The following KCNA4 variants were observed in gnomAD, a reference collection of about 807,000 sequenced individuals.
The protein encoded by KCNA4 is cardiac potassium channel.
KCNA4 carries 5 observed loss-of-function variants against 37.2 expected under a neutral mutation model. The observed-to-expected ratio is 0.13, with a 90% CI of 0.07 to 0.28. KCNA4 has a LOEUF of 0.28. Among genes scored for constraint, KCNA4 ranks in the 10% least tolerant of loss-of-function variants. KCNA4 has a pLI of 1.00. For synonymous variants in KCNA4, 350 were observed against 311.8 expected, an observed-to-expected ratio of 1.12 and a Z score of -1.29; for missense variants, 634 against 817.4, an observed-to-expected ratio of 0.78 and a Z score of 2.74.
At position 30,010,909 on chromosome 11, in the gene KCNA4, G is replaced by T. The variant is rs748511812; in HGVS notation, c.1770C>A (p.Pro590=). 13 of 1,614,072 alleles carry T rather than the reference G, an allele frequency of 8.1e-6. No individual in the cohort carries two copies. In the Admixed American group the frequency reaches 1.0e-4, roughly 12 times the overall value. The change falls in exon 2 of 2, where the codon CCC becomes CCA. Residue 590 remains proline, a synonymous_variant. Coordinates refer to ENST00000328224, the MANE Select transcript of KCNA4 (RefSeq NM_002233.4). ...TCCGAAATTTCTTGAGCAAATTAGA[G>T]GGGAGGTATGGACAACTGACTGCAT... ...TQNAVSCPYL[P]SNLLKKFRSS...
In KCNA4 at chr11:30,016,741, G is replaced by A; in HGVS notation, c.-952C>T. 8.0e-6 allele frequency: 3 copies of A among 374,620 alleles called. No homozygotes were observed. The highest frequency in any genetic ancestry group is 1.4e-5 in the Non-Finnish European group (3 of 211,466). The allele number at this position is 374,620 out of a possible 1,614,324, so 23.2% of individuals were successfully genotyped here. A position where few individuals can be genotyped will look rare whatever the true frequency, so the allele number is the denominator to read the frequency against. On this transcript the variant is annotated 5_prime_UTR_variant, in exon 1 of 2. Transcript: ENST00000328224. The stretch of plus-strand genomic sequence containing the variant: ...CAGGTGGAGGCTCCAAATATCCACG[G>A]AACAAGTTCTGTTGCCTGGCCCGAG...
At chr11:30,013,979 A>T (rs1247682888) in intron 1 of KCNA4, among the ~76,000 whole-genome samples, 1 of 152,204 alleles carries the variant, frequency 6.6e-6, no homozygotes, top group East Asian at 1.9e-4. Context: ...TGCAGACAGC[A>T]CCACTTGAAT....
chr11:30,011,274 G>A lies in KCNA4; in HGVS notation c.1405C>T (p.His469Tyr), dbSNP rs1265111172. The A allele has an allele frequency of 1.2e-6, 2 of 1,614,128 alleles. No individual in the cohort carries two copies. The highest frequency in any genetic ancestry group is 1.7e-6 in the Non-Finnish European group (2 of 1,180,028). ...TCCCGCATGCTGGCTCTGAGGGTGTGGCCCAGGATCTGCAGGCCTTTGGAG... is the reference window on the plus strand; with the variant it reads ...TCCCGCATGCTGGCTCTGAGGGTGTAGCCCAGGATCTGCAGGCCTTTGGAG... Reference protein sequence around the residue: ...RHSKGLQILGHTLRASMRELG... With the variant: ...RHSKGLQILGYTLRASMRELG... The change falls in exon 2 of 2, where the codon CAC (histidine) becomes TAC (tyrosine). Residue 469 changes from histidine (H) to tyrosine (Y), a missense_variant. Transcript: ENST00000328224. The surrounding 1 kb of genome is among the most constrained non-coding windows in gnomAD (Gnocchi z 5.6).
intron 1 of KCNA4, among the ~76,000 whole-genome samples, chr11:30,014,664 G>A (rs946189031): frequency 2.6e-5 from 4 of 151,876 alleles, no homozygotes; most frequent in African/African-American, 9.7e-5. Context: ...TCTGTCACCT[G>A]TTATTCCTGG....
intron 1 of KCNA4, among the ~76,000 whole-genome samples, chr11:30,014,864 G>A (rs536052951): frequency 6.6e-6 from 1 of 152,216 alleles, no homozygotes; most frequent in East Asian, 1.9e-4. Flanking sequence ...AGAATTCAGG[G>A]CATCTACCAG....
Position 30,011,328 on chromosome 11 carries a change from C to A in KCNA4, c.1351G>T (p.Val451Leu). 1 of 1,614,156 alleles carries A rather than the reference C, an allele frequency of 6.2e-7. No homozygotes were observed. The highest frequency in any genetic ancestry group is 8.5e-7 in the Non-Finnish European group (1 of 1,180,042). ...CTGGAGAGTTTGAAGATCCGGAATA[C>A]TCGGACCAGACGAATGATTCTGAGG... ...AILRIIRLVRVFRIFKLSRHS... is the reference protein window; with the variant it reads ...AILRIIRLVRLFRIFKLSRHS... Residue 451 changes from valine to leucine, a missense_variant, in exon 2 of 2, where the codon GTA (valine) becomes TTA (leucine). Transcript: ENST00000328224. This position sits in a 1 kb window ranked among gnomAD's most constrained non-coding sequence, Gnocchi z 5.6.
Position 30,011,917 on chromosome 11 carries a change from C to T in KCNA4, c.762G>A (p.Glu254=), listed in dbSNP as rs1850307246. The change falls in exon 2 of 2, where the codon GAG becomes GAA. Residue 254 remains glutamate, a synonymous_variant. Coordinates refer to ENST00000328224, the MANE Select transcript of KCNA4 (RefSeq NM_002233.4). The surrounding 1 kb of genome is among the most constrained non-coding windows in gnomAD (Gnocchi z 5.6). ...CCCCCAACTGATAGAACTTCACCTC[C>T]TCAGTGAAGATATCAAAGGGGACAT... The part of the protein sequence containing the change: ...PVNVPFDIFT[E]EVKFYQLGEE... 2 of 1,613,994 alleles carry T rather than the reference C, an allele frequency of 1.2e-6. No individual in the cohort carries two copies. Among genetic ancestry groups the T allele is most frequent in the Admixed American group, 1.7e-5 (1 of 60,006 alleles).
At chr11:30,015,958 T>C (rs1189935927) in intron 1 of KCNA4, among the ~76,000 whole-genome samples, 1 of 151,832 alleles carries the variant, frequency 6.6e-6, no homozygotes, top group Non-Finnish European at 1.5e-5. Context: ...CTCTCAGTGC[T>C]AATTCCTGCA....
In KCNA4 at chr11:30,011,951, C is replaced by T. The variant is rs755809318; in HGVS notation, c.728G>A (p.Arg243Lys). ...YYYQSGGRLK[R>K]PVNVPFDIFT... ...GATATCAAAGGGGACATTGACTGGC[C>T]TCTTCAGGCGGCCTCCTGATTGATA... Residue 243 changes from arginine (R) to lysine (K), a missense_variant, in exon 2 of 2, where the codon AGG (arginine) becomes AAG (lysine). Coordinates refer to ENST00000328224, the MANE Select transcript of KCNA4 (RefSeq NM_002233.4). This position sits in a 1 kb window ranked among gnomAD's most constrained non-coding sequence, Gnocchi z 5.6. 3.7e-6 allele frequency: 6 copies of T among 1,613,994 alleles called. No individual in the cohort carries two copies. The highest frequency in any genetic ancestry group is 5.1e-6 in the Non-Finnish European group (6 of 1,180,024).
rs1850301519 is a variant in KCNA4 at position 30,011,379 on chromosome 11, G to T, written c.1300C>A (p.Gln434Lys). ...AQQQGGGNGQQQQAMSFAILR... is the reference protein window; with the variant it reads ...AQQQGGGNGQKQQAMSFAILR... ...ATGGCAAAGGACATGGCCTGCTGCT[G>T]CTGACCATTGCCACCCCCCTGTTGC... The change falls in exon 2 of 2, where the codon CAG becomes AAG. Residue 434 changes from glutamine to lysine, a missense_variant. Gln to Lys is a moderately conservative substitution (Grantham distance 53). Coordinates refer to ENST00000328224, the MANE Select transcript of KCNA4 (RefSeq NM_002233.4). The surrounding 1 kb of genome is among the most constrained non-coding windows in gnomAD (Gnocchi z 5.6). 1.9e-6 allele frequency: 3 copies of T among 1,614,040 alleles called. No homozygotes were observed. In the African/African-American group the frequency reaches 4.0e-5, roughly 22 times the overall value.
Position 30,010,500 on chromosome 11 carries a change from A to G in KCNA4, c.*217T>C. ...ATTCTTGCATTCTAATAAAAATATA[A>G]AGATAGATTTGCTCCTATTCCTCCC... is the stretch of plus-strand genomic sequence containing the variant. On this transcript the variant is annotated 3_prime_UTR_variant, in exon 2 of 2. Coordinates refer to ENST00000328224, the MANE Select transcript of KCNA4 (RefSeq NM_002233.4). 1.4e-6 allele frequency: 1 copy of G among 704,128 alleles called. No individual in the cohort carries two copies. The highest frequency in any genetic ancestry group is 2.1e-6 in the Non-Finnish European group (1 of 469,346). The allele number at this position is 704,128 out of a possible 1,614,324, so 43.6% of individuals were successfully genotyped here.
chr11:30,012,520 A>G lies in KCNA4; in HGVS notation c.159T>C (p.Gly53=), dbSNP rs770568310. ...GGGAGCCCCCACCAGAACCCCCGCT[A>G]CCTTCGACAGCAGCTGTGGCCGCTG... ...AVAAATAAVE[G]SGGSGGGSHH... Residue 53 remains glycine, a synonymous_variant, in exon 2 of 2, where the codon GGT becomes GGC. Coordinates refer to ENST00000328224, the MANE Select transcript of KCNA4 (RefSeq NM_002233.4). 10 of 1,608,834 alleles carry G rather than the reference A, an allele frequency of 6.2e-6. No homozygotes were observed. The highest frequency in any genetic ancestry group is 1.3e-5 in the African/African-American group (1 of 74,810).
rs751384087 is a variant in KCNA4, at chr11:30,011,920, A to C, written c.759T>G (p.Thr253=). 1 of 1,614,066 alleles carries C rather than the reference A, an allele frequency of 6.2e-7. No homozygotes were observed. The highest frequency in any genetic ancestry group is 1.1e-5 in the South Asian group (1 of 91,076). ...CCAACTGATAGAACTTCACCTCCTC[A>C]GTGAAGATATCAAAGGGGACATTGA... ...RPVNVPFDIF[T]EEVKFYQLGE... Residue 253 remains threonine (T), a synonymous_variant, in exon 2 of 2, where the codon ACT becomes ACG. Coordinates refer to ENST00000328224, the MANE Select transcript of KCNA4 (RefSeq NM_002233.4). This position sits in a 1 kb window ranked among gnomAD's most constrained non-coding sequence, Gnocchi z 5.6.
At position 30,014,142 on chromosome 11, in the gene KCNA4, C is replaced by T. The variant is rs182907885; in HGVS notation, c.-782-682G>A. Among the ~76,000 whole-genome samples, 426 of 152,254 alleles carry T rather than the reference C, an allele frequency of 2.8e-3. 1 individual carries two copies. The highest frequency in any genetic ancestry group is 9.6e-3 in the African/African-American group (400 of 41,540). The stretch of plus-strand genomic sequence containing the variant: ...AATAAACACTGGCAGTTATGAATAA[C>T]ATAACAGCAACCTATGTTTTTATTG... On this transcript the variant is annotated intron_variant, in intron 1 of 1. Transcript: ENST00000328224.
At position 30,017,015 on chromosome 11, in the gene KCNA4, G is replaced by A. The variant is rs978383289; in HGVS notation, c.-1226C>T. ...GCGGGAGCAGCACACGCCTCCCCTG[G>A]CCGCGAACGCGCTCTGGGCGGGGGC... On this transcript the variant is annotated 5_prime_UTR_variant, in exon 1 of 2. Transcript: ENST00000328224. 8.5e-5 allele frequency: 34 copies of A among 398,026 alleles called. No homozygotes were observed. Among genetic ancestry groups the A allele is most frequent in the African/African-American group, 4.9e-4 (24 of 48,704 alleles). The allele number at this position is 398,026 out of a possible 1,614,324, so 24.7% of individuals were successfully genotyped here.
In KCNA4 at chr11:30,010,666, T is replaced by C; in HGVS notation, c.*51A>G. 1.9e-6 allele frequency: 3 copies of C among 1,549,092 alleles called. No individual in the cohort carries two copies. The highest frequency in any genetic ancestry group is 2.6e-5 in the South Asian group (2 of 77,610). Reference sequence around the variant, plus strand: ...TTTTCATAACTGCACTCTCTATGCATAAATATATTTGGAGATGCTGAGGGG... The same window carrying C: ...TTTTCATAACTGCACTCTCTATGCACAAATATATTTGGAGATGCTGAGGGG... On this transcript the variant is annotated 3_prime_UTR_variant, in exon 2 of 2. Coordinates refer to ENST00000328224, the MANE Select transcript of KCNA4 (RefSeq NM_002233.4).
chr11:30,014,660 A>G (rs1424601988), intron 1 of KCNA4, among the ~76,000 whole-genome samples: 3 of 151,494 alleles, frequency 2.0e-5, no homozygotes, highest in Non-Finnish European at 1.5e-5. Flanking sequence ...TCCCTCTGTC[A>G]CCTGTTATTC....
At chr11:30,014,962 C>A (rs1046199002) in intron 1 of KCNA4, among the ~76,000 whole-genome samples, 2 of 152,100 alleles carry the variant, frequency 1.3e-5, no homozygotes, top group Non-Finnish European at 1.5e-5. Flanking sequence ...ACCTGCTGCT[C>A]CTTGCTGATC....
rs752488769 is a variant in KCNA4, at chr11:30,012,266, C to CCCTCCTCTT, written c.404_412dup (p.Glu135_Glu137dup). ...GTCATCTTCACTATAGTAAAACCTT[C>CCCTCCTCTT]CCTCCTCTTCCTCCTCTTCCTCCTC... On this transcript the variant is annotated inframe_insertion, in exon 2 of 2. Coordinates refer to ENST00000328224, the MANE Select transcript of KCNA4 (RefSeq NM_002233.4). The CCCTCCTCTT allele has an allele frequency of 1.5e-5, 25 of 1,613,930 alleles. No homozygotes were observed. In the East Asian group the frequency reaches 3.1e-4, roughly 20 times the overall value.
Sources: allele counts gnomAD v4.1 joint callset (sites outside exome capture counted in the v4.1 genomes callset), GRCh38; gene constraint gnomAD v4.1.1; non-coding constraint Gnocchi (gnomAD v3.1); transcripts MANE v1.5; gene names NCBI Gene and HGNC (gene_info 2026-07-23, HGNC 2026-07-21).